EGF: variants seen among roughly 807,000 people sequenced by gnomAD.
The protein encoded by EGF is pro-epidermal growth factor.
EGF carries 95 observed loss-of-function variants against 143.8 expected under a neutral mutation model. The observed-to-expected ratio is 0.66, with a 90% CI of 0.56 to 0.78. The LOEUF (loss-of-function observed/expected upper bound fraction) is 0.78, where lower values mean the gene tolerates loss of function less well. Among genes scored for constraint, EGF ranks in the 30% least tolerant of loss-of-function variants. The probability of loss-of-function intolerance (pLI) is 0.00; values close to 1 mark genes in which losing one functional copy is unlikely to be tolerated. For synonymous variants in EGF, 510 were observed against 510.5 expected (o/e 1.00, Z 0.01); for missense variants, 1,320 against 1,470.9 (o/e 0.90, Z 1.68).
chr4:109,997,557 A>T (rs1751987070), intron 20 of EGF, among the ~76,000 whole-genome samples: 1 of 150,980 alleles, frequency 6.6e-6, no homozygotes, highest in East Asian at 2.0e-4. Flanking sequence ...CGCCTCCCGG[A>T]TTCACGCCAT....
At chr4:110,007,090 A>G (rs1209983381) in intron 22 of EGF, among the ~76,000 whole-genome samples, 1 of 152,202 alleles carries the variant, frequency 6.6e-6, no homozygotes, top group African/African-American at 2.4e-5. Flanking sequence ...TTGCTGCAGG[A>G]GATCATCAAT....
intron 1 of EGF, among the ~76,000 whole-genome samples, chr4:109,929,811 C>G (rs1328435536): frequency 1.3e-5 from 2 of 152,036 alleles, no homozygotes; most frequent in African/African-American, 4.8e-5. Context: ...CTCACTTGAC[C>G]TGAATTTTGA....
intron 11 of EGF, among the ~76,000 whole-genome samples, chr4:109,973,456 C>A (rs1345667961): frequency 6.6e-6 from 1 of 152,158 alleles, no homozygotes; most frequent in Non-Finnish European, 1.5e-5. Context: ...CTTCAGGAAT[C>A]CTTCTCTGAT....
At chr4:109,939,367 G>A (rs1051954399) in intron 1 of EGF, among the ~76,000 whole-genome samples, 10 of 152,354 alleles carry the variant, frequency 6.6e-5, no homozygotes, top group African/African-American at 1.7e-4. Flanking sequence ...GGGAACATCC[G>A]GGCCTGCTGG....
In EGF at chr4:109,969,110, C is replaced by G. The variant is rs756147522; in HGVS notation, c.1715C>G (p.Thr572Arg). The G allele has an allele frequency of 6.2e-7, 1 of 1,614,082 alleles. No individual in the cohort carries two copies. Among genetic ancestry groups the G allele is most frequent in the Non-Finnish European group, 8.5e-7 (1 of 1,180,004 alleles). The change falls in exon 11 of 24, where the codon ACA becomes AGA. Residue 572 changes from threonine (T) to arginine (R), a missense_variant. Transcript: ENST00000265171. Reference sequence around the variant, plus strand: ...TGGATTGGCCGTAGATTCTATTGGACAGACAGAGGGTATGTTTTCTGCTTC... The same window carrying G: ...TGGATTGGCCGTAGATTCTATTGGAGAGACAGAGGGTATGTTTTCTGCTTC... ...VDWIGRRFYW[T>R]DRGKSLIGRS... is the part of the protein sequence containing the mutation.
At chr4:109,930,103 C>T (rs2125970385) in intron 1 of EGF, among the ~76,000 whole-genome samples, 1 of 152,290 alleles carries the variant, frequency 6.6e-6, no homozygotes, top group East Asian at 1.9e-4. Context: ...TCCACTTTGC[C>T]TTCCGCCATG....
At chr4:109,933,168 G>C (rs1187023933) in intron 1 of EGF, among the ~76,000 whole-genome samples, 1 of 152,196 alleles carries the variant, frequency 6.6e-6, no homozygotes, top group Non-Finnish European at 1.5e-5. Context: ...AGCGAAGCTG[G>C]TGGGGTCAGG....
At chr4:110,010,646 T>G (rs1753877343) in intron 23 of EGF, among the ~76,000 whole-genome samples, 1 of 152,098 alleles carries the variant, frequency 6.6e-6, no homozygotes, top group South Asian at 2.1e-4. Flanking sequence ...AGATGGAGAC[T>G]CCCTATGTTA....
intron 1 of EGF, among the ~76,000 whole-genome samples, chr4:109,921,676 G>A (rs1260211194): frequency 6.6e-6 from 1 of 151,570 alleles, no homozygotes. Flanking sequence ...CATCCATGAG[G>A]TGGTTCTTTC....
chr4:109,940,897 G>T, intron 1 of EGF, 49 bp from the exon 2 acceptor site: 1 of 1,560,704 alleles, frequency 6.4e-7, no homozygotes, highest in South Asian at 1.1e-5. Flanking sequence ...TTGTTTAAAT[G>T]AGATAAAATA....
At chr4:109,940,384 G>A (rs899036960) in intron 1 of EGF, among the ~76,000 whole-genome samples, 4 of 152,182 alleles carry the variant, frequency 2.6e-5, no homozygotes, top group Non-Finnish European at 4.4e-5. Context: ...ATGTGGTAAA[G>A]ATAACAGGGT....
intron 1 of EGF, among the ~76,000 whole-genome samples, chr4:109,938,871 G>T (rs1282684984): frequency 6.6e-6 from 1 of 152,182 alleles, no homozygotes; most frequent in African/African-American, 2.4e-5. Flanking sequence ...AAATATTGCT[G>T]CCTGATTCTT....
chr4:109,962,180 C>T (rs1418491156), intron 8 of EGF, among the ~76,000 whole-genome samples, 195 bp downstream of exon 8: 1 of 152,156 alleles, frequency 6.6e-6, no homozygotes, highest in Non-Finnish European at 1.5e-5. Flanking sequence ...TTTGTTTAGA[C>T]AGCATAGCGT....
chr4:109,979,195 T>C (rs1011929745), intron 13 of EGF, among the ~76,000 whole-genome samples: 1 of 151,966 alleles, frequency 6.6e-6, no homozygotes, highest in Non-Finnish European at 1.5e-5. Context: ...TGATAATAAA[T>C]GACTCTTTCA....
chr4:109,933,617 A>G (rs1016169345), intron 1 of EGF, among the ~76,000 whole-genome samples: 4 of 151,574 alleles, frequency 2.6e-5, no homozygotes, highest in Admixed American at 2.0e-4. Context: ...GTTCCCTTCC[A>G]TGTGTCCATG....
At chr4:109,930,097 CTTT>C (rs1354887675) in intron 1 of EGF, among the ~76,000 whole-genome samples, 1 of 152,214 alleles carries the variant, frequency 6.6e-6, no homozygotes, top group Non-Finnish European at 1.5e-5. Context: ...CTTGCTTCCA[CTTT>C]GCCTTCCGCC....
At chr4:109,937,444 G>A (rs1741044676) in intron 1 of EGF, among the ~76,000 whole-genome samples, 2 of 151,232 alleles carry the variant, frequency 1.3e-5, no homozygotes, top group South Asian at 4.2e-4. Flanking sequence ...TTGCACATGA[G>A]ATGGGCCTCC....
At chr4:109,993,056 C>T (rs1751249318) in intron 18 of EGF, among the ~76,000 whole-genome samples, 191 bp from the exon 19 acceptor site, 1 of 151,898 alleles carries the variant, frequency 6.6e-6, no homozygotes, top group Admixed American at 6.6e-5. Context: ...TGTAACAAAC[C>T]TGCACCTTGT....
At position 109,963,257 on chromosome 4, in the gene EGF, G is replaced by C; in HGVS notation, c.1397G>C (p.Gly466Ala). 6.2e-7 allele frequency: 1 copy of C among 1,613,894 alleles called. No individual in the cohort carries two copies. Among genetic ancestry groups the C allele is most frequent in the Non-Finnish European group, 8.5e-7 (1 of 1,179,912 alleles). Residue 466 changes from glycine (G) to alanine (A), a missense_variant, in exon 9 of 24, where the codon GGG becomes GCG. Physicochemically the swap from Gly to Ala is moderately conservative, Grantham distance 60. Around this residue, in one of 5 missense-constraint regions of EGF, gnomAD observed 1,186 missense variants for 1,313.7 expected, o/e 0.90. Transcript: ENST00000265171. ...PVSWECDCFP[G>A]YDLQLDEKSC... ...TCCTGGGAATGTGATTGCTTTCCTG[G>C]GTATGACCTACAACTGGATGAAAAA... is the stretch of plus-strand genomic sequence containing the variant.
Sources: allele counts gnomAD v4.1 joint callset (sites outside exome capture counted in the v4.1 genomes callset), GRCh38; gene constraint gnomAD v4.1.1; regional missense constraint gnomAD v4.1.1; transcripts MANE v1.5; gene names NCBI Gene and HGNC (gene_info 2026-07-23, HGNC 2026-07-21).